The following CSMD1 variants were observed in gnomAD, a reference collection of about 807,000 sequenced individuals.
The protein encoded by CSMD1 is CUB and sushi domain-containing protein 1.
A neutral mutation model predicts 417.5 loss-of-function variants in CSMD1; 213 were observed. The observed-to-expected ratio is 0.51, with a 90% CI of 0.46 to 0.57. The LOEUF is 0.57. Among genes scored for constraint, CSMD1 ranks in the 20% least tolerant of loss-of-function variants. CSMD1 has a pLI of 0.00. For synonymous variants in CSMD1, 2,862 were observed against 1,736.8 expected, an observed-to-expected ratio of 1.65 and a Z score of -16.11; for missense variants, 6,923 against 4,529.7, an observed-to-expected ratio of 1.53 and a Z score of -15.17.
chr8:4,261,794 G>T (rs1463924674), intron 3 of CSMD1, among the ~76,000 whole-genome samples: 1 of 151,930 alleles, frequency 6.6e-6, no homozygotes, highest in African/African-American at 2.4e-5. Flanking sequence ...TTTGATAATG[G>T]TAATCATTTC....
At position 3,289,542 on chromosome 8, in the gene CSMD1, A is replaced by T. The variant is rs1223393094; in HGVS notation, c.3951-5196T>A. Reference sequence around the variant, plus strand: ...TCTAACTGGTGTGAGATGGTATCTCATTGTGGTTTTGATTTGCATTTCTCT... The same window carrying T: ...TCTAACTGGTGTGAGATGGTATCTCTTTGTGGTTTTGATTTGCATTTCTCT... On this transcript the variant is annotated intron_variant, in intron 25 of 69. Coordinates refer to ENST00000635120, the MANE Select transcript of CSMD1 (RefSeq NM_033225.6). Among the ~76,000 whole-genome samples the T allele has an allele frequency of 9.7e-5, 14 of 144,932 alleles. 1 individual carries two copies. The highest frequency in any genetic ancestry group is 7.0e-3 in the Middle Eastern group (2 of 284).
intron 1 of CSMD1, among the ~76,000 whole-genome samples, chr8:4,849,652 G>A (rs1181195836): frequency 2.0e-5 from 3 of 152,040 alleles, no homozygotes; most frequent in Non-Finnish European, 2.9e-5. Context: ...ACTTGATATT[G>A]TATTATAGTT....
chr8:4,938,291 G>A (rs907093230), intron 1 of CSMD1, among the ~76,000 whole-genome samples: 3 of 152,098 alleles, frequency 2.0e-5, no homozygotes, highest in Non-Finnish European at 4.4e-5. Context: ...TGCAGAGTGG[G>A]AAATTTGACA....
At chr8:3,949,945 G>A (rs1811495016) in intron 5 of CSMD1, 1 of 455,994 alleles carries the variant, frequency 2.2e-6, no homozygotes, top group East Asian at 7.0e-5. Flanking sequence ...CACACATGGA[G>A]AGGTTCATGC....
intron 3 of CSMD1, among the ~76,000 whole-genome samples, chr8:4,282,475 A>G (rs1796842362): frequency 6.6e-6 from 1 of 152,170 alleles, no homozygotes; most frequent in African/African-American, 2.4e-5. Context: ...ATTTTTGCTT[A>G]TTTAATTTAG....
At chr8:3,580,498 T>G (rs111792093) in intron 9 of CSMD1, among the ~76,000 whole-genome samples, 1 of 152,134 alleles carries the variant, frequency 6.6e-6, no homozygotes, top group African/African-American at 2.4e-5. Context: ...CAACTTAAGG[T>G]TAGCTTTCAG....
chr8:3,309,280 C>G (rs1257281782), intron 23 of CSMD1, among the ~76,000 whole-genome samples: 5 of 152,004 alleles, frequency 3.3e-5, no homozygotes, highest in Admixed American at 3.3e-4. Flanking sequence ...CCCACCTTCC[C>G]GACAACTTCT....
intron 23 of CSMD1, among the ~76,000 whole-genome samples, chr8:3,318,179 G>A (rs535138647): frequency 1.4e-4 from 22 of 152,230 alleles, no homozygotes; most frequent in Admixed American, 7.2e-4. Flanking sequence ...CCTTAGGCTT[G>A]TAATATTCTA....
intron 2 of CSMD1, among the ~76,000 whole-genome samples, chr8:4,578,625 G>A (rs1013823430): frequency 2.0e-5 from 3 of 150,966 alleles, no homozygotes; most frequent in African/African-American, 2.4e-5. Flanking sequence ...GATCAGCCTG[G>A]CCAACATGGT....
intron 3 of CSMD1, among the ~76,000 whole-genome samples, chr8:4,367,443 G>A (rs755590802): frequency 3.8e-4 from 58 of 152,146 alleles, no homozygotes; most frequent in Admixed American, 3.9e-4. Flanking sequence ...CCAGTACCAT[G>A]ATGTTTTGAT....
chr8:4,773,621 C>T (rs1796704106), intron 1 of CSMD1, among the ~76,000 whole-genome samples: 1 of 152,154 alleles, frequency 6.6e-6, no homozygotes, highest in Non-Finnish European at 1.5e-5. Flanking sequence ...GAGTGTTTGT[C>T]ATCTCCTTTT....
intron 2 of CSMD1, among the ~76,000 whole-genome samples, chr8:4,493,780 G>C (rs1801842459): frequency 6.6e-6 from 1 of 152,084 alleles, no homozygotes; most frequent in African/African-American, 2.4e-5. Context: ...CTATCCCTAA[G>C]AATAGTATTT....
chr8:3,611,194 G>A (rs1008302219), intron 8 of CSMD1, among the ~76,000 whole-genome samples: 5 of 151,428 alleles, frequency 3.3e-5, no homozygotes, highest in Admixed American at 6.6e-5. Flanking sequence ...TAACTAACCT[G>A]CACATTGTGC....
chr8:3,214,934 G>T (rs2116820411), intron 29 of CSMD1, among the ~76,000 whole-genome samples: 1 of 152,198 alleles, frequency 6.6e-6, no homozygotes, highest in African/African-American at 2.4e-5. Context: ...TTTTGCTACA[G>T]AATTGATATA....
At chr8:3,453,048 G>T (rs1042720298) in intron 12 of CSMD1, among the ~76,000 whole-genome samples, 2 of 152,212 alleles carry the variant, frequency 1.3e-5, no homozygotes, top group African/African-American at 4.8e-5. Context: ...AGTCTTGGGA[G>T]AGTGTATGTG....
At chr8:3,870,385 T>A (rs1460088507) in intron 5 of CSMD1, among the ~76,000 whole-genome samples, 1 of 152,220 alleles carries the variant, frequency 6.6e-6, no homozygotes, top group Non-Finnish European at 1.5e-5. Flanking sequence ...TACCTCTTTT[T>A]TCCCCCAGCT....
chr8:4,257,738 C>G (rs1803566672), intron 3 of CSMD1, among the ~76,000 whole-genome samples: 1 of 152,194 alleles, frequency 6.6e-6, no homozygotes, highest in Admixed American at 6.5e-5. Flanking sequence ...TCTGCTTCCG[C>G]TTTCCCGTTT....
intron 52 of CSMD1, 37 bp downstream of exon 52, chr8:3,018,440 C>A: frequency 6.3e-7 from 1 of 1,591,268 alleles, no homozygotes; most frequent in Non-Finnish European, 8.6e-7. Context: ...TAAGGTTTAT[C>A]TGCATTAAGT....
intron 3 of CSMD1, among the ~76,000 whole-genome samples, chr8:4,299,759 T>G (rs1405309758): frequency 6.6e-6 from 1 of 151,876 alleles, no homozygotes; most frequent in Non-Finnish European, 1.5e-5. Flanking sequence ...GCCTCCCGAG[T>G]AGCTGAGATT....
Sources: allele counts gnomAD v4.1 joint callset (sites outside exome capture counted in the v4.1 genomes callset), GRCh38; gene constraint gnomAD v4.1.1; transcripts MANE v1.5; gene names NCBI Gene and HGNC (gene_info 2026-07-23, HGNC 2026-07-21).